Variants in DVL1 observed in about 807,000 individuals in gnomAD.
DVL1 encodes the protein dishevelled segment polarity protein 1, also known as segment polarity protein dishevelled homolog DVL-1.
In DVL1, 49 loss-of-function variants were observed where a neutral mutation model predicts 65.0. That is an observed-to-expected ratio of 0.75 (90% CI 0.60 to 0.96). The LOEUF (loss-of-function observed/expected upper bound fraction) is 0.96. Among genes scored for constraint, DVL1 ranks in the 40% least tolerant of loss-of-function variants. The probability of loss-of-function intolerance (pLI) is 0.00; values close to 1 mark genes in which losing one functional copy is unlikely to be tolerated. For synonymous variants in DVL1, 608 were observed against 433.9 expected, an observed-to-expected ratio of 1.40 and a Z score of -4.99; for missense variants, 1,197 against 1,045.4, an observed-to-expected ratio of 1.15 and a Z score of -2.00.
At chr1:1,348,099 G>A (rs1643946842) in intron 1 of DVL1, among the ~76,000 whole-genome samples, 1 of 152,232 alleles carries the variant, frequency 6.6e-6, no homozygotes, top group Admixed American at 6.5e-5. Context: ...GTTGAGCTGG[G>A]ACTAGGGACT....
At position 1,335,746 on chromosome 1, in the gene DVL1, G is replaced by A. The variant is rs889242797; in HGVS notation, c.*396C>T. ...GGCCAGGCAATAAATAAATAAATTA[G>A]ATCCCTACTCCAGACAGGGGGCCTG... On this transcript the variant is annotated 3_prime_UTR_variant, in exon 15 of 15. Transcript: ENST00000378888. The A allele has an allele frequency of 5.5e-5, 11 of 198,632 alleles. No homozygotes were observed. Among genetic ancestry groups the A allele is most frequent in the Non-Finnish European group, 8.2e-5 (8 of 97,364 alleles). 12.3% of individuals were successfully genotyped at this position (198,632 alleles called of 1,614,324 possible).
At chr1:1,348,348 G>A (rs1303383796) in intron 1 of DVL1, among the ~76,000 whole-genome samples, 1 of 152,210 alleles carries the variant, frequency 6.6e-6, no homozygotes, top group Non-Finnish European at 1.5e-5. Context: ...GGAAGCTCAG[G>A]ACACGGGTAG....
At chr1:1,339,249 C>G in intron 11 of DVL1, 38 bp downstream of exon 11, 2 of 1,547,936 alleles carry the variant, frequency 1.3e-6, no homozygotes, top group Non-Finnish European at 1.7e-6. Context: ...CCCTCCAAGC[C>G]TCGGTTTCTG....
chr1:1,339,935 C>T, intron 8 of DVL1, 103 bp downstream of exon 8: 5 of 1,549,274 alleles, frequency 3.2e-6, no homozygotes, highest in Middle Eastern at 2.3e-4. Flanking sequence ...AGCCGCATGT[C>T]CCCCAGCAGC....
chr1:1,337,116 C>G, intron 14 of DVL1: 1 of 987,610 alleles, frequency 1.0e-6, no homozygotes, highest in Non-Finnish European at 1.2e-6. Context: ...GGCACCTGCC[C>G]AGCACCCACC....
rs1457390444 is a variant in DVL1, at chr1:1,335,414, A to G, written c.*728T>C. 1 of 152,414 alleles carries G rather than the reference A, an allele frequency of 6.6e-6. No individual in the cohort carries two copies. The highest frequency in any genetic ancestry group is 1.5e-5 in the Non-Finnish European group (1 of 68,174). The allele number at this position is 152,414 out of a possible 1,614,324, so 9.4% of individuals were successfully genotyped here. On this transcript the variant is annotated 3_prime_UTR_variant, in exon 15 of 15. Transcript: ENST00000378888. ...ACACGTGGGGGCCAGAGAAGCCAGG[A>G]AGGCCGCGATGTGTGCGCGCAGTGT...
At chr1:1,341,840 G>T (rs373301524) in intron 4 of DVL1, 35 bp from the exon 5 acceptor site, 1,823 of 1,542,286 alleles carry the variant, frequency 1.2e-3, no homozygotes, top group Non-Finnish European at 1.5e-3. Context: ...TGACTGCAGG[G>T]TCTCCCAGAG....
At chr1:1,348,225 C>T (rs1258580338) in intron 1 of DVL1, among the ~76,000 whole-genome samples, 2 of 152,160 alleles carry the variant, frequency 1.3e-5, no homozygotes, top group African/African-American at 4.8e-5. Context: ...CCTGGGACAC[C>T]ACCACCGAGG....
chr1:1,339,870 C>G, intron 8 of DVL1, 58 bp from the exon 9 acceptor site: 1 of 1,592,184 alleles, frequency 6.3e-7, no homozygotes, highest in Non-Finnish European at 8.5e-7. Flanking sequence ...TCCACCGCCC[C>G]CGCAGACCCA....
intron 1 of DVL1, among the ~76,000 whole-genome samples, chr1:1,343,583 G>A (rs1643878693): frequency 6.6e-6 from 1 of 152,284 alleles, no homozygotes; most frequent in East Asian, 1.9e-4. Flanking sequence ...GGCGTCTCAG[G>A]AGCAGCCTCA....
rs766540058 is a variant in DVL1, at chr1:1,338,373, C to T, written c.1403G>A (p.Arg468Gln). ...VEGFKERREA[R>Q]KYASSLLKHG... Reference sequence around the variant, plus strand: ...CTTCAGCAAGCTGCTGGCGTACTTCCGGGCCTCCCGCCGCTCCTTGAAGCC... The same window carrying T: ...CTTCAGCAAGCTGCTGGCGTACTTCTGGGCCTCCCGCCGCTCCTTGAAGCC... The change falls in exon 13 of 15, where the codon CGG becomes CAG. Residue 468 changes from arginine (R) to glutamine (Q), a missense_variant. Physicochemically the swap from Arg to Gln is conservative, Grantham distance 43 (BLOSUM62 1). Coordinates refer to ENST00000378888, the MANE Select transcript of DVL1 (RefSeq NM_001330311.2). 15 of 1,612,338 alleles carry T rather than the reference C, an allele frequency of 9.3e-6. No individual in the cohort carries two copies. The highest frequency in any genetic ancestry group is 1.2e-5 in the Non-Finnish European group (14 of 1,179,854).
At position 1,336,222 on chromosome 1, in the gene DVL1, G is replaced by A. The variant is rs779009859; in HGVS notation, c.2008C>T (p.Pro670Ser). The change falls in exon 15 of 15, where the codon CCC becomes TCC. Residue 670 changes from proline to serine, a missense_variant. Pro to Ser is a moderately conservative substitution (Grantham distance 74). Coordinates refer to ENST00000378888, the MANE Select transcript of DVL1 (RefSeq NM_001330311.2). ...GPPVRELAAV[P>S]PELTGSRQSF... The stretch of plus-strand genomic sequence containing the variant: ...TGGCGGCTGCCTGTCAATTCCGGGG[G>A]GACGGCAGCCAGCTCCCGGACAGGG... 5 of 1,559,012 alleles carry A rather than the reference G, an allele frequency of 3.2e-6. No individual in the cohort carries two copies. The highest frequency in any genetic ancestry group is 3.5e-6 in the Non-Finnish European group (4 of 1,157,672).
At chr1:1,348,394 C>T (rs184101838) in intron 1 of DVL1, among the ~76,000 whole-genome samples, 46 of 152,316 alleles carry the variant, frequency 3.0e-4, no homozygotes, top group Admixed American at 9.1e-4. Context: ...TGGCCCTTGA[C>T]CTCCACCCTG....
chr1:1,338,601 C>T lies in DVL1; in HGVS notation c.1260G>A (p.Arg420=). 6.2e-7 allele frequency: 1 copy of T among 1,612,274 alleles called. No homozygotes were observed. Among genetic ancestry groups the T allele is most frequent in the South Asian group, 1.1e-5 (1 of 91,090 alleles). ...GTCCCGAGTCTGGCAGCTGCATGAC[C>T]CGGACGACGGCGCTCATGTCACTCT... The part of the protein sequence containing the change: ...TVKSDMSAVV[R]VMQLPDSGLE... Residue 420 remains arginine (R), a synonymous_variant, in exon 12 of 15, where the codon CGG becomes CGA. Transcript: ENST00000378888.
At position 1,339,365 on chromosome 1, in the gene DVL1, A is replaced by C. The variant is rs1248003718; in HGVS notation, c.1129T>G (p.Tyr377Asp). Residue 377 changes from tyrosine (Y) to aspartate (D), a missense_variant, in exon 11 of 15, where the codon TAC becomes GAC. Physicochemically the swap from Tyr to Asp is radical, Grantham distance 160. Transcript: ENST00000378888. ...GCGCTGGAGCAGGGACTCGTACCGT[A>C]GCGGGGCAGGGCTCCTGTCAGTGCC... is the stretch of plus-strand genomic sequence containing the variant. Reference protein sequence around the residue: ...TAALTGALPRYGTSPCSSAVT... With the variant: ...TAALTGALPRDGTSPCSSAVT... The C allele has an allele frequency of 2.5e-5, 39 of 1,548,710 alleles. No individual in the cohort carries two copies. In the Admixed American group the frequency reaches 7.6e-4, roughly 30 times the overall value.
rs1261717123 is a variant in DVL1 at position 1,338,450 on chromosome 1, G to A, written c.1340-14C>T. 2 of 1,609,096 alleles carry A rather than the reference G, an allele frequency of 1.2e-6. No homozygotes were observed. The highest frequency in any genetic ancestry group is 1.1e-5 in the South Asian group (1 of 90,922). Reference sequence around the variant, plus strand: ...CCACGTCCGCCCCTGGCCGGCACCAGCGGTCAGCCCGCAGCCTCGAGGCAA... The same window carrying A: ...CCACGTCCGCCCCTGGCCGGCACCAACGGTCAGCCCGCAGCCTCGAGGCAA... On this transcript the variant is annotated splice_polypyrimidine_tract_variant and intron_variant, in intron 12 of 14. Transcript: ENST00000378888.
chr1:1,342,970 C>G (rs895704848), intron 1 of DVL1, among the ~76,000 whole-genome samples: 2 of 151,768 alleles, frequency 1.3e-5, no homozygotes, highest in African/African-American at 4.9e-5. Flanking sequence ...TCTGCGGACA[C>G]CCCTGCTAAC....
At position 1,342,371 on chromosome 1, in the gene DVL1, G is replaced by A. The variant is rs752000330; in HGVS notation, c.354C>T (p.Pro118=). 2.5e-6 allele frequency: 4 copies of A among 1,577,994 alleles called. No homozygotes were observed. Among genetic ancestry groups the A allele is most frequent in the African/African-American group, 2.7e-5 (2 of 74,262 alleles). The change falls in exon 3 of 15, where the codon CCC becomes CCT. Residue 118 remains proline (P), a synonymous_variant. Transcript: ENST00000378888. ...RTGGIGDSRP[P]SFHPNVASSR... The stretch of plus-strand genomic sequence containing the variant: ...GCCCACGGTGTCCTTACTGGAAGGA[G>A]GGGGGCCGGGAGTCCCCGATGCCGC...
At position 1,340,312 on chromosome 1, in the gene DVL1, G is replaced by C; in HGVS notation, c.704C>G (p.Ser235Cys). 2 of 1,613,944 alleles carry C rather than the reference G, an allele frequency of 1.2e-6. No homozygotes were observed. Among genetic ancestry groups the C allele is most frequent in the Admixed American group, 3.3e-5 (2 of 60,014 alleles). The change falls in exon 7 of 15, where the codon TCC becomes TGC. Residue 235 changes from serine to cysteine, a missense_variant. Transcript: ENST00000378888. Reference protein sequence around the residue: ...KQRLRQADRASSFSSITDSTM... With the variant: ...KQRLRQADRACSFSSITDSTM... ...GGAGTCGGTTATGCTGCTGAAGGAG[G>C]AGGCCTATGGAGGAGAGGGGGCGTG...
Sources: allele counts gnomAD v4.1 joint callset (sites outside exome capture counted in the v4.1 genomes callset), GRCh38; gene constraint gnomAD v4.1.1; transcripts MANE v1.5; gene names NCBI Gene and HGNC (gene_info 2026-07-23, HGNC 2026-07-21).